The following KCTD16 variants were observed in gnomAD, a reference collection of about 807,000 sequenced individuals.
The protein encoded by KCTD16 is potassium channel tetramerization domain containing 16.
Under a neutral mutation model 33.2 loss-of-function variants are expected in KCTD16, and 13 were observed. That is an observed-to-expected ratio of 0.39 (90% confidence interval 0.25 to 0.62). The LOEUF (loss-of-function observed/expected upper bound fraction) is 0.62, where lower values mean the gene tolerates loss of function less well. Among genes scored for constraint, KCTD16 ranks in the 20% least tolerant of loss-of-function variants. KCTD16 has a pLI of 0.50. For missense variants in KCTD16, 441 were observed against 525.1 expected (o/e 0.84, Z 1.57); for synonymous variants, 197 against 195.3 (o/e 1.01, Z -0.07).
At chr5:144,267,672 G>C (rs768198693) in intron 3 of KCTD16, among the ~76,000 whole-genome samples, 1 of 152,074 alleles carries the variant, frequency 6.6e-6, no homozygotes, top group Non-Finnish European at 1.5e-5. Context: ...TTCCACAGAG[G>C]ATCTCCTTGA....
intron 3 of KCTD16, among the ~76,000 whole-genome samples, chr5:144,445,502 C>T (rs1753800314): frequency 6.6e-6 from 1 of 151,982 alleles, no homozygotes; most frequent in African/African-American, 2.4e-5. Flanking sequence ...GTTATTCTGT[C>T]ACTTAGTTTC....
intron 3 of KCTD16, among the ~76,000 whole-genome samples, chr5:144,326,352 A>G (rs1561568395): frequency 6.6e-6 from 1 of 152,196 alleles, no homozygotes; most frequent in African/African-American, 2.4e-5. Context: ...GGAGAAAAAT[A>G]GAAAATAATT....
chr5:144,426,908 A>G (rs989345883), intron 3 of KCTD16, among the ~76,000 whole-genome samples: 2 of 152,170 alleles, frequency 1.3e-5, no homozygotes, highest in Non-Finnish European at 1.5e-5. Flanking sequence ...TACTGTCATA[A>G]TGACAATTAA....
intron 3 of KCTD16, among the ~76,000 whole-genome samples, chr5:144,425,851 G>A (rs1285264106): frequency 1.3e-5 from 2 of 152,104 alleles, no homozygotes; most frequent in African/African-American, 4.8e-5. Context: ...GTGAGGGGCA[G>A]CCTCAGAGAT....
intron 3 of KCTD16, among the ~76,000 whole-genome samples, chr5:144,303,125 C>A (rs1182901020): frequency 1.3e-5 from 2 of 152,150 alleles, no homozygotes; most frequent in African/African-American, 4.8e-5. Flanking sequence ...GTTTGCTGGC[C>A]ATTAGCAATC....
chr5:144,295,422 G>A (rs1178969199), intron 3 of KCTD16, among the ~76,000 whole-genome samples: 1 of 152,204 alleles, frequency 6.6e-6, no homozygotes, highest in African/African-American at 2.4e-5. Flanking sequence ...AGCAGAATGA[G>A]AAAGCAGAAG....
At chr5:144,458,906 G>A (rs1754132155) in intron 3 of KCTD16, among the ~76,000 whole-genome samples, 1 of 152,150 alleles carries the variant, frequency 6.6e-6, no homozygotes, top group Admixed American at 6.5e-5. Context: ...GACAGCACAT[G>A]GGAAGGCAGT....
intron 3 of KCTD16, among the ~76,000 whole-genome samples, chr5:144,273,127 C>G (rs1318011255): frequency 6.6e-6 from 1 of 151,920 alleles, no homozygotes; most frequent in Non-Finnish European, 1.5e-5. Context: ...AACTCAAAAA[C>G]AAAATAAACA....
chr5:144,257,648 C>G (rs1580825361), intron 3 of KCTD16, among the ~76,000 whole-genome samples: 1 of 152,210 alleles, frequency 6.6e-6, no homozygotes, highest in South Asian at 2.1e-4. Flanking sequence ...ACCACCACGC[C>G]TGGCTAATTT....
intron 3 of KCTD16, among the ~76,000 whole-genome samples, chr5:144,272,389 C>T (rs992047732): frequency 6.6e-6 from 1 of 152,064 alleles, no homozygotes. Context: ...GAGGTTGCAC[C>T]ATTGGACTCC....
intron 3 of KCTD16, among the ~76,000 whole-genome samples, chr5:144,305,472 A>G (rs1253298919): frequency 2.0e-5 from 3 of 152,160 alleles, no homozygotes; most frequent in Non-Finnish European, 4.4e-5. Context: ...ATTTGAACAG[A>G]CAGAGAAACC....
intron 2 of KCTD16, among the ~76,000 whole-genome samples, chr5:144,175,634 C>G (rs527587003): frequency 6.6e-6 from 1 of 152,248 alleles, no homozygotes; most frequent in African/African-American, 2.4e-5. Context: ...GGCCCTGGAG[C>G]CAGACTGCAT....
At chr5:144,325,164 T>C (rs1400544509) in intron 3 of KCTD16, among the ~76,000 whole-genome samples, 1 of 152,092 alleles carries the variant, frequency 6.6e-6, no homozygotes, top group Admixed American at 6.6e-5. Context: ...TTCCCTCTGA[T>C]TATTTGGACA....
chr5:144,335,450 A>G (rs1186617949), intron 3 of KCTD16, among the ~76,000 whole-genome samples: 1 of 152,210 alleles, frequency 6.6e-6, no homozygotes, highest in Non-Finnish European at 1.5e-5. Context: ...TTCAATGACC[A>G]TATATTGGAA....
intron 3 of KCTD16, among the ~76,000 whole-genome samples, chr5:144,311,092 G>A (rs557588453): frequency 1.3e-5 from 2 of 152,238 alleles, no homozygotes; most frequent in East Asian, 3.9e-4. Context: ...TGCTTTAGGT[G>A]TGTACAGGCT....
chr5:144,448,649 C>A (rs1753875421), intron 3 of KCTD16, among the ~76,000 whole-genome samples: 2 of 152,042 alleles, frequency 1.3e-5, no homozygotes, highest in Non-Finnish European at 2.9e-5. Flanking sequence ...CAAGAGCAAG[C>A]ATATTTTTAA....
intron 2 of KCTD16, among the ~76,000 whole-genome samples, chr5:144,175,196 A>G (rs554020081): frequency 6.6e-6 from 1 of 152,308 alleles, no homozygotes; most frequent in East Asian, 1.9e-4. Context: ...CCTCCTGACA[A>G]CCCAATGAGG....
chr5:144,408,321 A>G (rs1427925515), intron 3 of KCTD16, among the ~76,000 whole-genome samples: 1 of 152,222 alleles, frequency 6.6e-6, no homozygotes, highest in East Asian at 1.9e-4. Flanking sequence ...GAGAATTCTC[A>G]CTGGGACTCC....
intron 3 of KCTD16, among the ~76,000 whole-genome samples, chr5:144,473,157 C>G (rs1009021349): frequency 6.6e-6 from 1 of 152,170 alleles, no homozygotes; most frequent in Non-Finnish European, 1.5e-5. Context: ...TCATAGTCTC[C>G]TCCTGTTGTA....
Sources: gnomAD v4.1 joint callset for allele counts (sites outside exome capture counted in the v4.1 genomes callset) on GRCh38, gnomAD v4.1.1 for gene constraint, MANE v1.5 for transcripts, NCBI Gene and HGNC (gene_info 2026-07-23, HGNC 2026-07-21) for gene names.